The following AGMO variants were observed in gnomAD, a reference collection of about 807,000 sequenced individuals.
AGMO encodes glyceryl-ether monooxygenase.
Under a neutral mutation model 60.2 loss-of-function variants are expected in AGMO, and 75 were observed. The observed-to-expected ratio is 1.25, with a 90% confidence interval of 1.03 to 1.51. The LOEUF is 1.51. Among genes scored for constraint, AGMO ranks in the 40% most tolerant of loss-of-function variants. The probability of loss-of-function intolerance (pLI) is 0.00; values close to 1 mark genes in which losing one functional copy is unlikely to be tolerated. For synonymous variants in AGMO, 261 were observed against 177.1 expected (o/e 1.47, Z -3.76); for missense variants, 763 against 525.5 (o/e 1.45, Z -4.42).
At chr7:15,194,907 G>T in the AGMO span, among the ~76,000 whole-genome samples, 1 of 152,136 alleles carries the variant, frequency 6.6e-6, no homozygotes, top group Non-Finnish European at 1.5e-5. Flanking sequence ...CATTTTACCA[G>T]CAAGTTAAAA....
rs967249402 is a variant in AGMO at position 15,539,601 on chromosome 7, T to A, written c.409+5171A>T. On this transcript the variant is annotated intron_variant, in intron 3 of 12. Coordinates refer to ENST00000342526, the MANE Select transcript of AGMO (RefSeq NM_001004320.2). The stretch of plus-strand genomic sequence containing the variant: ...ATTGTGAATAGTGCTGCATTGAACA[T>A]ACACATGCATGTGTCTTTATAATGG... Among the ~76,000 whole-genome samples, 4 of 152,230 alleles carry A rather than the reference T, an allele frequency of 2.6e-5. No homozygotes were observed. In the South Asian group the frequency reaches 8.3e-4, roughly 31 times the overall value.
chr7:15,312,263 C>T (rs1358146143), intron 12 of AGMO, among the ~76,000 whole-genome samples: 3 of 151,868 alleles, frequency 2.0e-5, no homozygotes, highest in Admixed American at 6.6e-5. Flanking sequence ...TTAATAGCTT[C>T]AAGAAGCCAG....
chr7:15,461,170 T>G (rs760453197), intron 3 of AGMO, among the ~76,000 whole-genome samples: 5 of 152,124 alleles, frequency 3.3e-5, no homozygotes, highest in Non-Finnish European at 7.4e-5. Context: ...TCAAAGTAAT[T>G]AGAAATATCT....
At chr7:15,422,402 G>A (rs1240564989) in intron 4 of AGMO, among the ~76,000 whole-genome samples, 1 of 152,014 alleles carries the variant, frequency 6.6e-6, no homozygotes, top group Non-Finnish European at 1.5e-5. Context: ...AAACAGTAAG[G>A]TAAGAGCAAT....
rs773189897 is a variant in AGMO, at chr7:15,387,432, G to C, written c.931C>G (p.Leu311Val). The change falls in exon 9 of 13, where the codon CTT becomes GTT. Residue 311 changes from leucine to valine, a missense_variant. Transcript: ENST00000342526. ...TCTGGAATTTCTTCACTGAGACCAA[G>C]TCTTGGTTTACCTGGACCCCATCCC... ...GPGWGPGKPR[L>V]GLSEEIPEVT... The C allele has an allele frequency of 3.7e-6, 6 of 1,613,818 alleles. No individual in the cohort carries two copies. In the East Asian group the frequency reaches 6.7e-5, roughly 18 times the overall value.
chr7:15,245,771 C>A (rs1782721851), intron 12 of AGMO, among the ~76,000 whole-genome samples: 1 of 152,048 alleles, frequency 6.6e-6, no homozygotes, highest in Non-Finnish European at 1.5e-5. Flanking sequence ...GTCTAATTTG[C>A]CAATCCAGAA....
chr7:15,373,441 C>T (rs1783309807), intron 10 of AGMO, among the ~76,000 whole-genome samples: 1 of 152,036 alleles, frequency 6.6e-6, no homozygotes, highest in South Asian at 2.1e-4. Flanking sequence ...ATTAACAACA[C>T]AAAAACAGCA....
the AGMO span, among the ~76,000 whole-genome samples, chr7:15,144,614 G>A: frequency 6.6e-6 from 1 of 152,128 alleles, no homozygotes; most frequent in African/African-American, 2.4e-5. Context: ...TGCTTCCAAG[G>A]TACATTATAT....
intron 12 of AGMO, chr7:15,306,392 T>TTTA: frequency 2.7e-6 from 1 of 369,310 alleles, no homozygotes; most frequent in Non-Finnish European, 5.5e-6. Context: ...AAATCTTTAT[T>TTTA]ATTTTCAAGC....
At chr7:15,148,665 TG>T in the AGMO span, among the ~76,000 whole-genome samples, 1 of 152,184 alleles carries the variant, frequency 6.6e-6, no homozygotes. Context: ...CCATTTCTTA[TG>T]GCTGCATAGT....
intron 12 of AGMO, among the ~76,000 whole-genome samples, chr7:15,213,728 C>A (rs1265502031): frequency 6.6e-6 from 1 of 151,884 alleles, no homozygotes; most frequent in Non-Finnish European, 1.5e-5. Flanking sequence ...CACTCTGCTT[C>A]CCAAAATTTT....
intron 12 of AGMO, among the ~76,000 whole-genome samples, chr7:15,361,546 A>AAAAAAAAAAGAAAAAAAAAAAG (rs60239009): frequency 4.4e-5 from 4 of 91,428 alleles, no homozygotes; most frequent in Admixed American, 3.8e-4. Context: ...TCTCAAAAAA[A>AAAAAAAAAAGAAAAAAAAAAAG]AAAAAAAAGG....
In AGMO at chr7:15,350,554, C is replaced by T. The variant is rs1276302542; in HGVS notation, c.1263+14960G>A. Among the ~76,000 whole-genome samples, 4 of 152,096 alleles carry T rather than the reference C, an allele frequency of 2.6e-5. No individual in the cohort carries two copies. The East Asian group carries it at 7.7e-4, about 29-fold the overall frequency. Reference sequence around the variant, plus strand: ...ACCTGATACCTAGGAAGAAAACTCACATTGAGAGTCAGAGAGAGTAGATTT... The same window carrying T: ...ACCTGATACCTAGGAAGAAAACTCATATTGAGAGTCAGAGAGAGTAGATTT... On this transcript the variant is annotated intron_variant, in intron 12 of 12. Transcript: ENST00000342526.
At chr7:15,301,126 T>G (rs1375439264) in intron 12 of AGMO, among the ~76,000 whole-genome samples, 1 of 152,144 alleles carries the variant, frequency 6.6e-6, no homozygotes, top group East Asian at 1.9e-4. Flanking sequence ...AAATTAAAAG[T>G]GTTATTGATA....
At chr7:15,327,329 G>A (rs1419036257) in intron 12 of AGMO, among the ~76,000 whole-genome samples, 5 of 152,132 alleles carry the variant, frequency 3.3e-5, no homozygotes, top group Non-Finnish European at 7.3e-5. Context: ...ATAAGTGTTG[G>A]AGAAGACCAA....
At chr7:15,315,714 G>A (rs1362460276) in intron 12 of AGMO, among the ~76,000 whole-genome samples, 1 of 152,026 alleles carries the variant, frequency 6.6e-6, no homozygotes, top group Admixed American at 6.6e-5. Context: ...ATACATGAGA[G>A]ATATAAATGA....
chr7:15,418,539 A>T lies in AGMO; in HGVS notation c.609+19T>A, dbSNP rs776517372. The stretch of plus-strand genomic sequence containing the variant: ...GGCTGTTTAGGTATAAAACTTACAA[A>T]GATAAAAAAAAGTTTTACCTCTGTA... On this transcript the variant is annotated intron_variant, in intron 5 of 12. Transcript: ENST00000342526. The T allele has an allele frequency of 6.1e-6, 9 of 1,485,618 alleles. No individual in the cohort carries two copies. 92.0% of individuals were successfully genotyped at this position (1,485,618 alleles called of 1,614,324 possible).
chr7:15,230,650 G>T (rs998902600), intron 12 of AGMO, among the ~76,000 whole-genome samples: 2 of 152,186 alleles, frequency 1.3e-5, no homozygotes, highest in African/African-American at 4.8e-5. Flanking sequence ...GCCTTGTGCA[G>T]AAGTCTTTTT....
rs1583499807 is a variant in AGMO, at chr7:15,392,846, C to T, written c.676+1267G>A. The stretch of plus-strand genomic sequence containing the variant: ...AACAAACAAACAACTTTAAATACAC[C>T]TTATCTACTGAACATCATAGCTTCG... On this transcript the variant is annotated intron_variant, in intron 6 of 12. Coordinates refer to ENST00000342526, the MANE Select transcript of AGMO (RefSeq NM_001004320.2). 2.0e-5 allele frequency among the ~76,000 whole-genome samples: 3 copies of T among 152,120 alleles called. No individual in the cohort carries two copies. The South Asian group carries it at 6.2e-4, about 32-fold the overall frequency.
Sources: gnomAD v4.1 joint callset for allele counts (sites outside exome capture counted in the v4.1 genomes callset) on GRCh38, gnomAD v4.1.1 for gene constraint, MANE v1.5 for transcripts, NCBI Gene and HGNC (gene_info 2026-07-23, HGNC 2026-07-21) for gene names.